Variants in SKAP1 observed in about 807,000 individuals in gnomAD.
SKAP1 encodes src kinase associated phosphoprotein 1.
A neutral mutation model predicts 58.5 loss-of-function variants in SKAP1; 44 were observed. The observed-to-expected ratio is 0.75, with a 90% CI of 0.59 to 0.97. The LOEUF (loss-of-function observed/expected upper bound fraction) is 0.97. SKAP1 is among the 50% of genes least tolerant of loss of function. SKAP1 has a pLI of 0.00. For synonymous variants in SKAP1, 127 were observed against 149.7 expected, an observed-to-expected ratio of 0.85 and a Z score of 1.11; for missense variants, 390 against 435.2, an observed-to-expected ratio of 0.90 and a Z score of 0.92.
intron 2 of SKAP1, among the ~76,000 whole-genome samples, chr17:48,392,012 T>G (rs2144516898): frequency 6.6e-6 from 1 of 152,306 alleles, no homozygotes; most frequent in Non-Finnish European, 1.5e-5. Context: ...TAAAACTCTC[T>G]ATATAATTAA....
intron 10 of SKAP1, among the ~76,000 whole-genome samples, chr17:48,164,541 T>A (rs1233503258): frequency 2.6e-5 from 4 of 152,014 alleles, no homozygotes; most frequent in Non-Finnish European, 5.9e-5. Flanking sequence ...TGGGAGAACA[T>A]CTGGAAAAAG....
intron 11 of SKAP1, among the ~76,000 whole-genome samples, chr17:48,143,934 G>A (rs1293842959): frequency 6.6e-6 from 1 of 152,182 alleles, no homozygotes; most frequent in African/African-American, 2.4e-5. Flanking sequence ...CTGCCAACTC[G>A]AAGAGGGTGC....
At chr17:48,206,788 A>G (rs1011301089) in intron 4 of SKAP1, among the ~76,000 whole-genome samples, 3 of 152,212 alleles carry the variant, frequency 2.0e-5, no homozygotes, top group African/African-American at 7.2e-5. Flanking sequence ...TCTGGAAAGC[A>G]GAACTCCAGG....
At chr17:48,433,448 A>T (rs2067928312), upstream of SKAP1, among the ~76,000 whole-genome samples, 1 of 152,218 alleles carries the variant, frequency 6.6e-6, no homozygotes, top group Non-Finnish European at 1.5e-5. Context: ...GCACACAGGC[A>T]GGAGGACAGA....
intron 4 of SKAP1, among the ~76,000 whole-genome samples, chr17:48,335,340 G>C (rs1229513423): frequency 6.6e-6 from 1 of 151,834 alleles, no homozygotes; most frequent in Non-Finnish European, 1.5e-5. Flanking sequence ...ATCACTTTTT[G>C]CATTGCCATC....
intron 4 of SKAP1, among the ~76,000 whole-genome samples, chr17:48,249,919 T>C (rs1343471905): frequency 6.6e-6 from 1 of 151,760 alleles, no homozygotes; most frequent in East Asian, 2.0e-4. Flanking sequence ...ACAGATCTGT[T>C]ACAGCTCAGA....
At chr17:48,377,946 TCTC>T (rs1274624841) in intron 2 of SKAP1, among the ~76,000 whole-genome samples, 5 of 152,114 alleles carry the variant, frequency 3.3e-5, no homozygotes, top group Admixed American at 2.6e-4. Flanking sequence ...GTCCCAAACT[TCTC>T]CTACCCCTGT....
At chr17:48,372,023 A>G (rs1240561340) in intron 2 of SKAP1, among the ~76,000 whole-genome samples, 2 of 152,102 alleles carry the variant, frequency 1.3e-5, no homozygotes, top group Non-Finnish European at 2.9e-5. Flanking sequence ...CCCAGGCTGG[A>G]GTGCAGTGCA....
rs192286818 is a variant in SKAP1 at position 48,229,556 on chromosome 17, G to A, written c.281-40056C>T. On this transcript the variant is annotated intron_variant, in intron 4 of 12. Transcript: ENST00000336915. ...GAATTGCTTAAACCCAGGAGGCAGA[G>A]GTTGCAGTGAGCTGAGATCATGCCA... 3.9e-4 allele frequency among the ~76,000 whole-genome samples: 59 copies of A among 152,198 alleles called. 1 individual carries two copies. In the East Asian group the frequency reaches 0.011, roughly 28 times the overall value.
In SKAP1 at chr17:48,345,993, T is replaced by C. The variant is rs2066717151; in HGVS notation, c.192A>G (p.Gly64=). The C allele has an allele frequency of 6.2e-7, 1 of 1,604,764 alleles. No individual in the cohort carries two copies. Among genetic ancestry groups the C allele is most frequent in the African/African-American group, 1.3e-5 (1 of 74,418 alleles). The change falls in exon 4 of 13, where the codon GGA becomes GGG. Residue 64 remains glycine (G), a synonymous_variant. Coordinates refer to ENST00000336915, the MANE Select transcript of SKAP1 (RefSeq NM_003726.4). ...TGTGATTATCATCAGAGCTGTCCTG[T>C]CCAATGTCTCCCCCTGAGGGACAAA... ...WDFQPQGGDI[G]QDSSDDNHSG... is the part of the protein sequence containing the mutation.
intron 11 of SKAP1, among the ~76,000 whole-genome samples, chr17:48,145,419 G>GAA (rs5820687): frequency 1.4e-3 from 210 of 146,812 alleles, no homozygotes; most frequent in East Asian, 0.014. Flanking sequence ...CATCAACAAG[G>GAA]AAAAAAAAAA....
At chr17:48,430,898 A>G (rs2067910204), upstream of SKAP1, among the ~76,000 whole-genome samples, 1 of 152,150 alleles carries the variant, frequency 6.6e-6, no homozygotes, top group South Asian at 2.1e-4. Flanking sequence ...AAAGTGAAGG[A>G]CAAAATCACA....
intron 4 of SKAP1, among the ~76,000 whole-genome samples, chr17:48,231,512 A>G (rs2065125602): frequency 6.6e-6 from 1 of 150,552 alleles, no homozygotes; most frequent in African/African-American, 2.4e-5. Context: ...TAAATACTCT[A>G]TGTAGTTGAG....
Position 48,363,798 on chromosome 17 carries a change from GA to G in SKAP1, c.168del (p.Gln57SerfsTer43). On this transcript the variant is annotated frameshift_variant, in exon 3 of 13. Coordinates refer to ENST00000336915, the MANE Select transcript of SKAP1 (RefSeq NM_003726.4). LOFTEE classifies it high-confidence loss of function. The stretch of plus-strand genomic sequence containing the variant: ...GTCAAAGAGGACTCACCTTGGGGCT[GA>G]AAATCCCAATAGTACCTGAAATACA... ...QQIKARYYWDFQPQGGDIGQD... is the reference protein window; with the variant it reads ...QQIKARYYWDXQPQGGDIGQD... 6.2e-7 allele frequency: 1 copy of G among 1,604,876 alleles called. No homozygotes were observed. Among genetic ancestry groups the G allele is most frequent in the South Asian group, 1.1e-5 (1 of 89,568 alleles).
At chr17:48,226,458 G>T (rs2065069581) in intron 4 of SKAP1, among the ~76,000 whole-genome samples, 1 of 151,708 alleles carries the variant, frequency 6.6e-6, no homozygotes, top group Non-Finnish European at 1.5e-5. Context: ...TCTCTATTAT[G>T]GATCAGAAAT....
chr17:48,160,785 C>T (rs950657393), intron 11 of SKAP1, among the ~76,000 whole-genome samples: 3 of 152,232 alleles, frequency 2.0e-5, no homozygotes, highest in Non-Finnish European at 4.4e-5. Context: ...TCTGGGCAAA[C>T]AGAGGCCTGG....
chr17:48,365,637 C>T (rs1458981912), intron 2 of SKAP1, among the ~76,000 whole-genome samples: 1 of 152,230 alleles, frequency 6.6e-6, no homozygotes, highest in Non-Finnish European at 1.5e-5. Context: ...TCACTGCCCA[C>T]TCACTCAACA....
intron 3 of SKAP1, among the ~76,000 whole-genome samples, chr17:48,353,525 T>G (rs371337545): frequency 2.6e-5 from 4 of 152,186 alleles, no homozygotes; most frequent in African/African-American, 9.7e-5. Flanking sequence ...TATGCCCCAA[T>G]TGGTAAGCCA....
At chr17:48,363,698 C>G in intron 3 of SKAP1, 91 bp downstream of exon 3, 1 of 1,133,182 alleles carries the variant, frequency 8.8e-7, no homozygotes, top group Non-Finnish European at 1.3e-6. Flanking sequence ...TAATGCCACT[C>G]TGTGGAGAAG....
Sources: gnomAD v4.1 joint callset for allele counts (sites outside exome capture counted in the v4.1 genomes callset) on GRCh38, gnomAD v4.1.1 for gene constraint, MANE v1.5 for transcripts, NCBI Gene and HGNC (gene_info 2026-07-23, HGNC 2026-07-21) for gene names.